MAML2: variants seen among roughly 807,000 people sequenced by gnomAD.
MAML2 encodes the protein mastermind-like protein 2.
Under a neutral mutation model 96.1 loss-of-function variants are expected in MAML2, and 22 were observed. That is an observed-to-expected ratio of 0.23 (90% CI 0.16 to 0.33). The LOEUF (loss-of-function observed/expected upper bound fraction) is 0.33, where lower values mean the gene tolerates loss of function less well. Ranked by LOEUF, MAML2 falls within the 10% of genes least tolerant of loss-of-function variation. The pLI, the probability that MAML2 is intolerant of heterozygous loss-of-function variation, is 1.00. For synonymous variants in MAML2, 561 were observed against 521.3 expected (o/e 1.08, Z -1.04); for missense variants, 1,367 against 1,392.4 (o/e 0.98, Z 0.29).
At chr11:96,085,956 G>A (rs1186410865) in intron 2 of MAML2, among the ~76,000 whole-genome samples, 1 of 152,210 alleles carries the variant, frequency 6.6e-6, no homozygotes, top group Non-Finnish European at 1.5e-5. Flanking sequence ...ATCCAGCAAA[G>A]AGAGTTCTAT....
At chr11:96,321,330 A>T (rs1863696880) in intron 1 of MAML2, among the ~76,000 whole-genome samples, 1 of 152,238 alleles carries the variant, frequency 6.6e-6, no homozygotes, top group Admixed American at 6.5e-5. Flanking sequence ...AAAGATGTCA[A>T]AGTTCAAGCC....
intron 1 of MAML2, among the ~76,000 whole-genome samples, chr11:96,338,515 A>G (rs1391403993): frequency 3.3e-5 from 5 of 152,248 alleles, no homozygotes; most frequent in Non-Finnish European, 7.3e-5. Context: ...TCCTTGCTGT[A>G]TAATACCCAT....
chr11:96,101,243 G>A (rs758969618), intron 1 of MAML2, among the ~76,000 whole-genome samples: 7 of 152,140 alleles, frequency 4.6e-5, no homozygotes, highest in Middle Eastern at 3.2e-3. Context: ...TTGGCTTGTG[G>A]AAGAGTAACT....
intron 1 of MAML2, among the ~76,000 whole-genome samples, chr11:96,238,527 A>G (rs1862393559): frequency 6.6e-6 from 1 of 152,204 alleles, no homozygotes; most frequent in African/African-American, 2.4e-5. Flanking sequence ...TATGGTTTTC[A>G]CTTTGCAAAC....
chr11:96,058,211 C>T (rs1438498780), intron 2 of MAML2, among the ~76,000 whole-genome samples: 2 of 152,218 alleles, frequency 1.3e-5, no homozygotes, highest in African/African-American at 4.8e-5. Flanking sequence ...GGCAAGCTGG[C>T]CAGTGCCAGT....
chr11:96,129,029 G>C (rs1286810963), intron 1 of MAML2, among the ~76,000 whole-genome samples: 1 of 152,118 alleles, frequency 6.6e-6, no homozygotes, highest in African/African-American at 2.4e-5. Context: ...GGGGATGGGG[G>C]TAATCTATAC....
intron 1 of MAML2, among the ~76,000 whole-genome samples, chr11:96,198,290 T>A (rs1861760139): frequency 6.6e-6 from 1 of 152,170 alleles, no homozygotes; most frequent in Non-Finnish European, 1.5e-5. Context: ...CAGAAAATGC[T>A]CCTTTACGTG....
At chr11:96,300,006 A>G (rs1305431061) in intron 1 of MAML2, among the ~76,000 whole-genome samples, 2 of 152,190 alleles carry the variant, frequency 1.3e-5, no homozygotes, top group Non-Finnish European at 2.9e-5. Flanking sequence ...AAGAGGAGGT[A>G]GGGAGAATAA....
intron 2 of MAML2, among the ~76,000 whole-genome samples, chr11:96,041,215 G>T (rs1471704269): frequency 6.6e-6 from 1 of 151,976 alleles, no homozygotes; most frequent in Non-Finnish European, 1.5e-5. Context: ...TCAAGGCCAG[G>T]TGTGGTGGCT....
chr11:96,142,247 A>C (rs1448342134), intron 1 of MAML2, among the ~76,000 whole-genome samples: 1 of 152,178 alleles, frequency 6.6e-6, no homozygotes, highest in Admixed American at 6.5e-5. Flanking sequence ...ACCAGTAAGA[A>C]TAATTCAGGA....
At chr11:96,166,175 TCTCACA>T (rs1465375996) in intron 1 of MAML2, among the ~76,000 whole-genome samples, 2 of 101,898 alleles carry the variant, frequency 2.0e-5, no homozygotes, top group Admixed American at 9.1e-5. Flanking sequence ...TCTCTCTCTC[TCTCACA>T]CACACACACA....
intron 1 of MAML2, among the ~76,000 whole-genome samples, chr11:96,252,408 C>T (rs1379878110): frequency 3.4e-5 from 5 of 147,996 alleles, no homozygotes; most frequent in African/African-American, 1.2e-4. Flanking sequence ...GTTCTCAGCG[C>T]TTTACCTTGA....
chr11:95,979,753 T>G lies in MAML2; in HGVS notation c.2666A>C (p.Gln889Pro). 1 of 1,614,024 alleles carries G rather than the reference T, an allele frequency of 6.2e-7. No individual in the cohort carries two copies. The highest frequency in any genetic ancestry group is 2.2e-5 in the East Asian group (1 of 44,892). Residue 889 changes from glutamine (Q) to proline (P), a missense_variant, in exon 5 of 5, where the codon CAA becomes CCA. Physicochemically the swap from Gln to Pro is moderately conservative, Grantham distance 76. Transcript: ENST00000524717. ...CTTTGGGTTTCTCTGTTGGGTCAAT[T>G]GATTCATTCCTGAAGTGACACTGTA... is the stretch of plus-strand genomic sequence containing the variant. ...NTYSVTSGMN[Q>P]LTQQRNPKQL... is the part of the protein sequence containing the mutation.
intron 1 of MAML2, among the ~76,000 whole-genome samples, chr11:96,249,791 A>G (rs1436801439): frequency 3.3e-5 from 5 of 152,228 alleles, no homozygotes; most frequent in African/African-American, 9.6e-5. Flanking sequence ...TAAACTATGC[A>G]ACATATCTCC....
intron 1 of MAML2, among the ~76,000 whole-genome samples, chr11:96,253,456 C>T (rs1229518391): frequency 6.6e-6 from 1 of 152,208 alleles, no homozygotes; most frequent in African/African-American, 2.4e-5. Flanking sequence ...GACTGTAGGA[C>T]TTGTCATTTA....
chr11:96,037,013 T>C (rs1378519943), intron 2 of MAML2, among the ~76,000 whole-genome samples: 2 of 151,990 alleles, frequency 1.3e-5, no homozygotes, highest in African/African-American at 2.4e-5. Flanking sequence ...TTGATCGGAG[T>C]CTGAGAATAC....
intron 2 of MAML2, among the ~76,000 whole-genome samples, chr11:96,014,880 A>G (rs963790044): frequency 3.3e-5 from 5 of 152,228 alleles, no homozygotes; most frequent in African/African-American, 9.6e-5. Context: ...ATTCCAATGC[A>G]TGTTTGAGTC....
intron 1 of MAML2, among the ~76,000 whole-genome samples, chr11:96,302,534 G>A (rs1418423713): frequency 6.6e-6 from 1 of 152,186 alleles, no homozygotes; most frequent in Non-Finnish European, 1.5e-5. Context: ...CACTCCTGGA[G>A]GTTGGGGAGA....
At chr11:96,156,521 C>CT (rs1321021091) in intron 1 of MAML2, among the ~76,000 whole-genome samples, 1 of 152,200 alleles carries the variant, frequency 6.6e-6, no homozygotes, top group Non-Finnish European at 1.5e-5. Flanking sequence ...CTCCAAGACA[C>CT]TGAGGAGGAA....
Sources: allele counts gnomAD v4.1 joint callset (sites outside exome capture counted in the v4.1 genomes callset), GRCh38; gene constraint gnomAD v4.1.1; transcripts MANE v1.5; gene names NCBI Gene and HGNC (gene_info 2026-07-23, HGNC 2026-07-21).